VAV2: variants seen among roughly 807,000 people sequenced by gnomAD.
VAV2 encodes the protein vav guanine nucleotide exchange factor 2, also known as guanine nucleotide exchange factor VAV2.
A neutral mutation model predicts 132.5 loss-of-function variants in VAV2; 67 were observed. The observed-to-expected ratio is 0.51, with a 90% CI of 0.42 to 0.62. The LOEUF (loss-of-function observed/expected upper bound fraction) is 0.62. Among genes scored for constraint, VAV2 ranks in the 20% least tolerant of loss-of-function variants. The probability of loss-of-function intolerance (pLI) is 0.00; values close to 1 mark genes in which losing one functional copy is unlikely to be tolerated. For synonymous variants in VAV2, 492 were observed against 443.5 expected (o/e 1.11, Z -1.37); for missense variants, 938 against 1,153.6 (o/e 0.81, Z 2.71).
chr9:133,964,884 T>C (rs1012991642), intron 1 of VAV2, among the ~76,000 whole-genome samples: 1 of 152,190 alleles, frequency 6.6e-6, no homozygotes, highest in Non-Finnish European at 1.5e-5. Context: ...GGGGAGAACC[T>C]GAAAGCTTTT....
intron 12 of VAV2, among the ~76,000 whole-genome samples, chr9:133,792,613 GGTGT>G (rs375538619): frequency 2.0e-5 from 3 of 150,510 alleles, no homozygotes; most frequent in African/African-American, 7.4e-5. Context: ...TGCTGTGCAG[GGTGT>G]GTGTGTGTGA....
rs1289087516 is a variant in VAV2 at position 133,841,468 on chromosome 9, C to T, written c.381-7128G>A. On this transcript the variant is annotated intron_variant, in intron 3 of 29. Coordinates refer to ENST00000371850, the MANE Select transcript of VAV2 (RefSeq NM_001134398.2). ...GCCCTGTTTCCCTGGGGACAACCAC[C>T]ACCTCAGAGCAGGGAAGCCCCTCTT... Among the ~76,000 whole-genome samples the T allele has an allele frequency of 3.3e-5, 5 of 152,090 alleles. No homozygotes were observed. In the East Asian group the frequency reaches 9.6e-4, roughly 29 times the overall value.
At chr9:133,809,249 T>C in intron 6 of VAV2, 111 bp from the exon 7 acceptor site, 1 of 896,934 alleles carries the variant, frequency 1.1e-6, no homozygotes, top group Non-Finnish European at 1.8e-6. Context: ...TCCTTGGGTT[T>C]GGCCACGAGG....
Position 133,789,130 on chromosome 9 carries a change from A to G in VAV2, c.1274+128T>C, listed in dbSNP as rs1054728155. The G allele has an allele frequency of 1.7e-5, 17 of 1,021,974 alleles. No homozygotes were observed. In the African/African-American group the frequency reaches 2.4e-4, roughly 15 times the overall value. 63.3% of individuals were successfully genotyped at this position (1,021,974 alleles called of 1,614,324 possible). ...GAAGCAATTAAAACTGAACAACACAAAGCCACCGCCAGGCAGCTCTTTCCA... is the reference window on the plus strand; with the variant it reads ...GAAGCAATTAAAACTGAACAACACAGAGCCACCGCCAGGCAGCTCTTTCCA... On this transcript the variant is annotated intron_variant, in intron 14 of 29. Coordinates refer to ENST00000371850, the MANE Select transcript of VAV2 (RefSeq NM_001134398.2).
Position 133,918,005 on chromosome 9 carries a change from C to T in VAV2, c.321+21098G>A, listed in dbSNP as rs1382434883. ...AACTCCCAGATTCTCCTTCACTGACCTCCTTCCACAGGAGGTCAGCAATTT... is the reference window on the plus strand; with the variant it reads ...AACTCCCAGATTCTCCTTCACTGACTTCCTTCCACAGGAGGTCAGCAATTT... On this transcript the variant is annotated intron_variant, in intron 2 of 29. Transcript: ENST00000371850. This position sits in a 1 kb window ranked among gnomAD's most constrained non-coding sequence, Gnocchi z 4.7. Among the ~76,000 whole-genome samples the T allele has an allele frequency of 3.3e-5, 5 of 152,040 alleles. No homozygotes were observed. In the East Asian group the frequency reaches 9.7e-4, roughly 29 times the overall value.
At chr9:133,936,037 C>A (rs552518247) in intron 2 of VAV2, among the ~76,000 whole-genome samples, 98 of 152,280 alleles carry the variant, frequency 6.4e-4, no homozygotes, top group African/African-American at 2.3e-3. Context: ...GTGCTGAGAC[C>A]CTGCACACAT....
At chr9:133,820,498 T>C (rs2131730312) in intron 4 of VAV2, among the ~76,000 whole-genome samples, 1 of 152,182 alleles carries the variant, frequency 6.6e-6, no homozygotes, top group Middle Eastern at 3.4e-3. Context: ...TAATTTTTTT[T>C]GTATTTTTAG....
rs577708624 is a variant in VAV2, at chr9:133,935,043, C to A, written c.321+4060G>T. Among the ~76,000 whole-genome samples, 8 of 151,968 alleles carry A rather than the reference C, an allele frequency of 5.3e-5. No individual in the cohort carries two copies. The highest frequency in any genetic ancestry group is 1.9e-4 in the African/African-American group (8 of 41,448). ...TTACCCCTGACCAGCCCCACCCACCCCAGACGACAGTCAGTTCTGACTGCA... is the reference window on the plus strand; with the variant it reads ...TTACCCCTGACCAGCCCCACCCACCACAGACGACAGTCAGTTCTGACTGCA... On this transcript the variant is annotated intron_variant, in intron 2 of 29. Transcript: ENST00000371850. This position sits in a 1 kb window ranked among gnomAD's most constrained non-coding sequence, Gnocchi z 5.2.
intron 3 of VAV2, among the ~76,000 whole-genome samples, chr9:133,860,025 G>A (rs957291560): frequency 2.0e-5 from 3 of 152,128 alleles, no homozygotes; most frequent in South Asian, 2.1e-4. Context: ...ATCCATGGCC[G>A]GGCGAGGTGG....
chr9:133,972,560 G>C (rs3780794), intron 1 of VAV2, among the ~76,000 whole-genome samples: 26,756 of 152,184 alleles, frequency 0.18, 2,920 homozygotes, highest in Middle Eastern at 0.27. Flanking sequence ...GCAAGCCTGA[G>C]CCCCCCTGAG....
chr9:133,951,875 A>C (rs1463170032), intron 1 of VAV2, among the ~76,000 whole-genome samples: 1 of 152,170 alleles, frequency 6.6e-6, no homozygotes, highest in Non-Finnish European at 1.5e-5. Flanking sequence ...AAAATCCCAC[A>C]GCCCGGGAAG....
intron 2 of VAV2, among the ~76,000 whole-genome samples, chr9:133,907,606 C>T (rs1839706067): frequency 2.0e-5 from 3 of 152,192 alleles, no homozygotes; most frequent in African/African-American, 4.8e-5. Flanking sequence ...GAGAAGGCCT[C>T]GCTGGAATCA....
At chr9:133,880,144 G>C (rs896652649) in intron 2 of VAV2, among the ~76,000 whole-genome samples, 1 of 121,754 alleles carries the variant, frequency 8.2e-6, no homozygotes, top group Non-Finnish European at 1.9e-5. Flanking sequence ...GCAGGAAGAG[G>C]GGCTAGGCAT....
chr9:133,845,673 A>AG (rs1441624853), intron 3 of VAV2, among the ~76,000 whole-genome samples: 1 of 152,186 alleles, frequency 6.6e-6, no homozygotes, highest in African/African-American at 2.4e-5. Flanking sequence ...CAGCAACCCC[A>AG]GGGCCTGTCT....
chr9:133,902,968 G>A (rs1479483988), intron 2 of VAV2, among the ~76,000 whole-genome samples: 2 of 151,812 alleles, frequency 1.3e-5, no homozygotes, highest in Non-Finnish European at 2.9e-5. Flanking sequence ...CCAGCTACTA[G>A]GGAGGCTAAG....
chr9:133,968,336 A>G (rs117456872), intron 1 of VAV2, among the ~76,000 whole-genome samples: 4,154 of 152,234 alleles, frequency 0.027, 81 homozygotes, highest in Middle Eastern at 0.062. Flanking sequence ...TATGTGTATC[A>G]AAGTGTCACA....
intron 29 of VAV2, among the ~76,000 whole-genome samples, chr9:133,767,554 A>C (rs1267353878): frequency 1.3e-5 from 2 of 152,208 alleles, no homozygotes; most frequent in Non-Finnish European, 2.9e-5. Flanking sequence ...CCACTTTGAG[A>C]ACCAGTGGTC....
At chr9:133,900,766 G>C (rs56372500) in intron 2 of VAV2, among the ~76,000 whole-genome samples, 10 of 145,602 alleles carry the variant, frequency 6.9e-5, no homozygotes, top group Middle Eastern at 3.4e-3. Flanking sequence ...CTCCTGTCTT[G>C]ATTTATTTAT....
chr9:133,768,356 A>G lies in VAV2; in HGVS notation c.2589+86T>C. 1 of 1,534,436 alleles carries G rather than the reference A, an allele frequency of 6.5e-7. No homozygotes were observed. Among genetic ancestry groups the G allele is most frequent in the Non-Finnish European group, 8.8e-7 (1 of 1,139,624 alleles). On this transcript the variant is annotated intron_variant, in intron 29 of 29. Transcript: ENST00000371850. This position sits in a 1 kb window ranked among gnomAD's most constrained non-coding sequence, Gnocchi z 5.3. ...CTGGAACAGGGCCTGGGGTGTGGAC[A>G]TAGGTGTGGTGCTAGTCTGCCTGAG...
Sources: allele counts gnomAD v4.1 joint callset (sites outside exome capture counted in the v4.1 genomes callset), GRCh38; gene constraint gnomAD v4.1.1; non-coding constraint Gnocchi (gnomAD v3.1); transcripts MANE v1.5; gene names NCBI Gene and HGNC (gene_info 2026-07-23, HGNC 2026-07-21).